The following DNAH17 variants were observed in gnomAD, a reference collection of about 807,000 sequenced individuals.
DNAH17 encodes the protein axonemal beta dynein heavy chain 17.
A neutral mutation model predicts 485.6 loss-of-function variants in DNAH17; 376 were observed. The ratio of observed to expected loss-of-function variants is 0.77; its 90% confidence interval spans 0.71 to 0.84. The LOEUF is 0.84. Ranked by LOEUF, DNAH17 falls within the 40% of genes least tolerant of loss-of-function variation. The probability of loss-of-function intolerance (pLI) is 0.00; values close to 1 mark genes in which losing one functional copy is unlikely to be tolerated. For synonymous variants in DNAH17, 3,031 were observed against 2,405.9 expected (o/e 1.26, Z -7.60); for missense variants, 6,370 against 5,839.3 (o/e 1.09, Z -2.96).
intron 54 of DNAH17, among the ~76,000 whole-genome samples, chr17:78,472,258 T>TAGGGTTAGGGAGTAGGGGTGCG (rs1568106200): frequency 6.8e-6 from 1 of 146,018 alleles, no homozygotes; most frequent in Non-Finnish European, 1.5e-5. Flanking sequence ...GTGCGAGGGT[T>TAGGGTTAGGGAGTAGGGGTGCG]AGGGTTAGGG....
chr17:78,524,975 C>T lies in DNAH17; in HGVS notation c.3864+34G>A, dbSNP rs62075876. 0.16 allele frequency: 247,685 copies of T among 1,581,300 alleles called. 20,858 individuals carry two copies. The highest frequency in any genetic ancestry group is 0.2 in the Middle Eastern group (1,204 of 5,934). ...CCGGGGGCAGCTCCCTGCAGAATCC[C>T]GGGCCCCACCCACGCGGCGTGCCCT... On this transcript the variant is annotated intron_variant, in intron 25 of 80. Coordinates refer to ENST00000389840, the MANE Select transcript of DNAH17 (RefSeq NM_173628.4).
chr17:78,492,425 C>T (rs79757674), intron 42 of DNAH17, among the ~76,000 whole-genome samples: 1,799 of 152,280 alleles, frequency 0.012, 33 homozygotes, highest in African/African-American at 0.042. Context: ...CTCCTGTGGC[C>T]CCCATTCCTT....
Position 78,466,683 on chromosome 17 carries a change from C to T in DNAH17, c.8912G>A (p.Arg2971His), listed in dbSNP as rs747523018. Residue 2971 changes from arginine to histidine, a missense_variant, in exon 56 of 81, where the codon CGC becomes CAC. Physicochemically the swap from Arg to His is conservative, Grantham distance 29 (BLOSUM62 0). Transcript: ENST00000389840. ...AATCCCCTCAGTCTCCTCCAGGAAG[C>T]GGGCGCTGACGGACACCAGCGCATC... Reference protein sequence around the residue: ...PEDALVSVSARFLEETEGIPW... With the variant: ...PEDALVSVSAHFLEETEGIPW... The T allele has an allele frequency of 2.5e-5, 41 of 1,611,474 alleles. No individual in the cohort carries two copies. Among genetic ancestry groups the T allele is most frequent in the East Asian group, 8.9e-5 (4 of 44,752 alleles).
chr17:78,547,635 T>G lies in DNAH17; in HGVS notation c.2392-3638A>C, dbSNP rs2091799605. 5.8e-5 allele frequency among the ~76,000 whole-genome samples: 6 copies of G among 102,584 alleles called. No individual in the cohort carries two copies. The South Asian group carries it at 1.5e-3, about 26-fold the overall frequency. 67.3% of individuals were successfully genotyped at this position (102,584 alleles called of 152,430 possible). A position where few individuals can be genotyped will look rare whatever the true frequency, so the allele number is the denominator to read the frequency against. On this transcript the variant is annotated intron_variant, in intron 16 of 80. Coordinates refer to ENST00000389840, the MANE Select transcript of DNAH17 (RefSeq NM_173628.4). ...CATTACTATTTTTTTTTTTTTTTTTTGAGATGGAGTCTCACTCTGTCTCCC... is the reference window on the plus strand; with the variant it reads ...CATTACTATTTTTTTTTTTTTTTTTGGAGATGGAGTCTCACTCTGTCTCCC...
Position 78,480,730 on chromosome 17 carries a change from C to A in DNAH17, c.7706G>T (p.Cys2569Phe), listed in dbSNP as rs1259372318. Residue 2569 changes from cysteine to phenylalanine, a missense_variant, in exon 49 of 81, where the codon TGC (cysteine) becomes TTC (phenylalanine). By Grantham distance (205) the Cys-to-Phe change is radical. Transcript: ENST00000389840. ...KDIHNCQYVA[C>F]MNPTSGSFTI... ...GAAGGATCCGGAAGTGGGGTTCATG[C>A]AGGCCACGTACTGACAATTATGGAT... 6.2e-7 allele frequency: 1 copy of A among 1,613,520 alleles called. No homozygotes were observed. Among genetic ancestry groups the A allele is most frequent in the Non-Finnish European group, 8.5e-7 (1 of 1,179,824 alleles).
Position 78,566,607 on chromosome 17 carries a change from T to TGCTTA in DNAH17, c.1569+2_1569+6dup. ...CAGATCTGCCTGCGTCTCCACTGCA[T>TGCTTA]GCTTACCTTTGCGGAGGACTTGATA... is the stretch of plus-strand genomic sequence containing the variant. On this transcript the variant is annotated splice_region_variant and intron_variant, in intron 11 of 80. Transcript: ENST00000389840. The TGCTTA allele has an allele frequency of 1.3e-6, 2 of 1,592,306 alleles. No homozygotes were observed. Among genetic ancestry groups the TGCTTA allele is most frequent in the Non-Finnish European group, 8.6e-7 (1 of 1,166,710 alleles).
chr17:78,475,741 G>A lies in DNAH17; in HGVS notation c.8247C>T (p.Asp2749=), dbSNP rs773298694. 5 of 1,613,932 alleles carry A rather than the reference G, an allele frequency of 3.1e-6. No homozygotes were observed. Among genetic ancestry groups the A allele is most frequent in the South Asian group, 1.1e-5 (1 of 91,072 alleles). ...IGDPKYVPVT[D]MAPLNKLLVD... ...CGAGGAGCTTGTTCAGAGGAGCCATGTCGGTTACAGGAACATATTTGGGAT... is the reference window on the plus strand; with the variant it reads ...CGAGGAGCTTGTTCAGAGGAGCCATATCGGTTACAGGAACATATTTGGGAT... Residue 2749 remains aspartate (D), a synonymous_variant, in exon 53 of 81, where the codon GAC becomes GAT. Transcript: ENST00000389840.
intron 54 of DNAH17, among the ~76,000 whole-genome samples, chr17:78,473,429 A>G (rs2088860059): frequency 6.6e-6 from 1 of 151,794 alleles, no homozygotes; most frequent in South Asian, 2.1e-4. Flanking sequence ...GTGTAGTCCC[A>G]GCTACTCAGG....
At chr17:78,533,637 G>A (rs989855063) in intron 19 of DNAH17, among the ~76,000 whole-genome samples, 5 of 152,094 alleles carry the variant, frequency 3.3e-5, no homozygotes, top group Non-Finnish European at 7.3e-5. Context: ...CAAGGTGGTC[G>A]GTGTGTGTAT....
chr17:78,485,480 A>AGGGGACAGGAGGGAAC (rs1185615425), intron 47 of DNAH17, 70 bp downstream of exon 47: 53 of 1,436,772 alleles, frequency 3.7e-5, no homozygotes, highest in Non-Finnish European at 5.0e-5. Flanking sequence ...CTGCAGTGAG[A>AGGGGACAGGAGGGAAC]GGGGACAGGA....
At chr17:78,475,563 T>C in intron 53 of DNAH17, 94 bp from the exon 54 acceptor site, 1 of 1,602,734 alleles carries the variant, frequency 6.2e-7, no homozygotes, top group South Asian at 1.1e-5. Context: ...GTGTGCACTG[T>C]GTGCCACGCA....
At chr17:78,494,005 C>T in intron 41 of DNAH17, 31 bp downstream of exon 41, 1 of 1,598,516 alleles carries the variant, frequency 6.3e-7, no homozygotes, top group Non-Finnish European at 8.5e-7. Context: ...CATGCCGGAT[C>T]CCTGCAAGGT....
chr17:78,464,947 T>C (rs115720612), intron 56 of DNAH17, among the ~76,000 whole-genome samples: 1,804 of 152,362 alleles, frequency 0.012, 45 homozygotes, highest in African/African-American at 0.041. Context: ...ACCTCACTTA[T>C]CGCTCTCCCT....
chr17:78,540,301 C>T (rs923114492), intron 17 of DNAH17, among the ~76,000 whole-genome samples: 2 of 143,512 alleles, frequency 1.4e-5, no homozygotes, highest in Non-Finnish European at 3.0e-5. Flanking sequence ...GTACCCCCAG[C>T]ACTCAGCAGT....
chr17:78,553,275 G>A lies in DNAH17; in HGVS notation c.2179-470C>T, dbSNP rs534699891. On this transcript the variant is annotated intron_variant, in intron 14 of 80. Transcript: ENST00000389840. ...TTCTTTATAAATTACCCAGTCCCAGGTTTTTGTGTTTTTTTTTTTTTTTTT... is the reference window on the plus strand; with the variant it reads ...TTCTTTATAAATTACCCAGTCCCAGATTTTTGTGTTTTTTTTTTTTTTTTT... 2.0e-5 allele frequency among the ~76,000 whole-genome samples: 2 copies of A among 98,424 alleles called. 1 individual carries two copies. The highest frequency in any genetic ancestry group is 6.3e-4 in the East Asian group (2 of 3,200). 64.6% of individuals were successfully genotyped at this position (98,424 alleles called of 152,430 possible).
intron 1 of DNAH17, among the ~76,000 whole-genome samples, chr17:78,576,829 C>T (rs2092439769): frequency 6.6e-6 from 1 of 152,218 alleles, no homozygotes; most frequent in South Asian, 2.1e-4. Flanking sequence ...GCCCCTACAC[C>T]CCGCAAGTTT....
chr17:78,461,624 C>G lies in DNAH17; in HGVS notation c.9259G>C (p.Val3087Leu), dbSNP rs550526589. 1 of 1,611,174 alleles carries G rather than the reference C, an allele frequency of 6.2e-7. No individual in the cohort carries two copies. Among genetic ancestry groups the G allele is most frequent in the South Asian group, 1.1e-5 (1 of 90,560 alleles). The change falls in exon 58 of 81, where the codon GTC becomes CTC. Residue 3087 changes from valine (V) to leucine (L), a missense_variant. Coordinates refer to ENST00000389840, the MANE Select transcript of DNAH17 (RefSeq NM_173628.4). ...CTGACCTTCTCGGCCTCGATGCCGA[C>G]CACCTGGATCAGTTGGTCTGCGCTC... ...NESADQLIQVVGIEAEKVSKE... is the reference protein window; with the variant it reads ...NESADQLIQVLGIEAEKVSKE...
At chr17:78,452,967 G>A (rs1450525349) in intron 65 of DNAH17, among the ~76,000 whole-genome samples, 1 of 48,166 alleles carries the variant, frequency 2.1e-5, no homozygotes, top group African/African-American at 1.0e-4. Context: ...AACATCGTGA[G>A]TGTACCAAAT....
At chr17:78,568,150 C>T (rs560066666) in intron 9 of DNAH17, among the ~76,000 whole-genome samples, 2 of 152,312 alleles carry the variant, frequency 1.3e-5, no homozygotes, top group Admixed American at 6.5e-5. Flanking sequence ...CCATTTCCTC[C>T]ACCTCCAAAG....
Sources: gnomAD v4.1 joint callset for allele counts (sites outside exome capture counted in the v4.1 genomes callset) on GRCh38, gnomAD v4.1.1 for gene constraint, MANE v1.5 for transcripts, NCBI Gene and HGNC (gene_info 2026-07-23, HGNC 2026-07-21) for gene names.